The following STARD13 variants were observed in gnomAD, a reference collection of about 807,000 sequenced individuals.
STARD13 encodes the protein stAR-related lipid transfer protein 13.
A neutral mutation model predicts 106.4 loss-of-function variants in STARD13; 62 were observed. That is an observed-to-expected ratio of 0.58 (90% CI 0.48 to 0.72). The LOEUF is 0.72. Ranked by LOEUF, STARD13 falls within the 30% of genes least tolerant of loss-of-function variation. The pLI is 0.00. For synonymous variants in STARD13, 565 were observed against 553.0 expected (o/e 1.02, Z -0.31); for missense variants, 1,387 against 1,424.0 (o/e 0.97, Z 0.42).
chr13:33,181,786 A>C (rs1322078088), intron 1 of STARD13, among the ~76,000 whole-genome samples: 1 of 152,216 alleles, frequency 6.6e-6, no homozygotes, highest in African/African-American at 2.4e-5. Flanking sequence ...TTGTCCTGGC[A>C]CTGACTAGGA....
At chr13:33,360,456 G>A in the STARD13 span, among the ~76,000 whole-genome samples, 32 of 151,720 alleles carry the variant, frequency 2.1e-4, no homozygotes, top group South Asian at 4.2e-4. Flanking sequence ...CACACACCTC[G>A]GCCTCCCAAA....
At chr13:33,246,701 TAAAACA>T (rs1311662780) in intron 1 of STARD13, among the ~76,000 whole-genome samples, 1 of 151,576 alleles carries the variant, frequency 6.6e-6, no homozygotes, top group South Asian at 2.1e-4. Context: ...TTGATGACCA[TAAAACA>T]AAAACAAAAA....
chr13:33,144,719 T>G (rs1002484907), intron 3 of STARD13, among the ~76,000 whole-genome samples: 2 of 152,160 alleles, frequency 1.3e-5, no homozygotes, highest in African/African-American at 4.8e-5. Flanking sequence ...TAAGAGTGGG[T>G]GTGAAGTGAA....
intron 1 of STARD13, chr13:33,272,598 T>C (rs1184229881): frequency 6.6e-6 from 1 of 152,144 alleles, no homozygotes; most frequent in African/African-American, 2.4e-5. Context: ...GGAAATATTC[T>C]CCCGTAGTCA....
the STARD13 span, among the ~76,000 whole-genome samples, chr13:33,521,255 G>A: frequency 6.6e-6 from 1 of 152,058 alleles, no homozygotes; most frequent in African/African-American, 2.4e-5. Context: ...GGTTATGCAG[G>A]CTAGCCTGTG....
the STARD13 span, among the ~76,000 whole-genome samples, chr13:33,555,708 G>C: frequency 1.3e-5 from 2 of 152,146 alleles, no homozygotes; most frequent in Admixed American, 6.6e-5. Context: ...CTAGTTAAGT[G>C]AACCTAGAAA....
rs1873836879 is a variant in STARD13 at position 33,107,062 on chromosome 13, T to A, written c.3048-128A>T. The A allele has an allele frequency of 8.6e-6, 7 of 813,568 alleles. No individual in the cohort carries two copies. In the South Asian group the frequency reaches 1.3e-4, roughly 15 times the overall value. The allele number at this position is 813,568 out of a possible 1,614,324, so 50.4% of individuals were successfully genotyped here. ...GGCTCAGATTCCAATGCTAGTGACT[T>A]GGATTAAGCTAATGGCTTTCATAAG... On this transcript the variant is annotated intron_variant, in intron 12 of 13. Transcript: ENST00000336934.
At chr13:33,223,344 G>A (rs534506565) in intron 1 of STARD13, among the ~76,000 whole-genome samples, 1 of 152,262 alleles carries the variant, frequency 6.6e-6, no homozygotes, top group African/African-American at 2.4e-5. Context: ...ACTTCTGGTT[G>A]TATAGGCGAA....
At chr13:33,443,994 C>T in the STARD13 span, among the ~76,000 whole-genome samples, 5 of 151,136 alleles carry the variant, frequency 3.3e-5, no homozygotes, top group Non-Finnish European at 7.4e-5. Context: ...ATTATTCATA[C>T]TCACCTAATA....
chr13:33,225,664 C>T (rs1888587125), intron 1 of STARD13, among the ~76,000 whole-genome samples: 1 of 151,930 alleles, frequency 6.6e-6, no homozygotes, highest in Non-Finnish European at 1.5e-5. Flanking sequence ...AAACACCTAG[C>T]TTTCTCATTT....
At chr13:33,280,349 A>G (rs1300658837) in intron 1 of STARD13, 1 of 152,200 alleles carries the variant, frequency 6.6e-6, no homozygotes, top group Non-Finnish European at 1.5e-5. Context: ...ATCAGGTGCC[A>G]TATCTACTTA....
chr13:33,468,589 TCTCTCTCATC>T, the STARD13 span, among the ~76,000 whole-genome samples: 1 of 132,332 alleles, frequency 7.6e-6, no homozygotes, highest in Non-Finnish European at 1.6e-5. Flanking sequence ...TCCCCCACTC[TCTCTCTCATC>T]CTCTCTTTGC....
upstream of STARD13, among the ~76,000 whole-genome samples, chr13:33,354,981 A>G (rs1192401369): frequency 1.3e-5 from 2 of 151,858 alleles, no homozygotes; most frequent in Non-Finnish European, 2.9e-5. Context: ...GCATTTTTCC[A>G]ATGTATTTTC....
chr13:33,326,229 C>T (rs1422290679), intron 1 of STARD13, among the ~76,000 whole-genome samples: 3 of 152,110 alleles, frequency 2.0e-5, no homozygotes, highest in Non-Finnish European at 2.9e-5. Context: ...CCCTCTTCCC[C>T]ACCTGGCCTT....
At chr13:33,609,673 T>C in the STARD13 span, among the ~76,000 whole-genome samples, 1 of 151,944 alleles carries the variant, frequency 6.6e-6, no homozygotes, top group South Asian at 2.1e-4. Context: ...TTCACGTCAT[T>C]CTCCTGCCTC....
Position 33,126,178 on chromosome 13 carries a change from C to G in STARD13, c.1985G>C (p.Gly662Ala), listed in dbSNP as rs1944321157. The G allele has an allele frequency of 5.0e-6, 8 of 1,613,990 alleles. No homozygotes were observed. The Admixed American group carries it at 8.3e-5, about 17-fold the overall frequency. ...TTGGACGTGGACTATGAGAGGAACG[C>G]CAAAGACAGCCTTGTCTTTGTAGTC... ...VPDYKDKAVF[G>A]VPLIVHVQRT... Residue 662 changes from glycine (G) to alanine (A), a missense_variant, in exon 7 of 14, where the codon GGC (glycine) becomes GCC (alanine). Coordinates refer to ENST00000336934, the MANE Select transcript of STARD13 (RefSeq NM_178006.4).
rs114033095 is a variant in STARD13 at position 33,216,390 on chromosome 13, C to G, written c.170-48768G>C. On this transcript the variant is annotated intron_variant, in intron 1 of 13. Transcript: ENST00000336934. ...GATAGAATACTACTCATCCATAAAA[C>G]GAATGAATTAATGGCATTCACAGCA... Among the ~76,000 whole-genome samples, 974 of 152,244 alleles carry G rather than the reference C, an allele frequency of 6.4e-3. 12 individuals are homozygous for G. Among genetic ancestry groups the G allele is most frequent in the African/African-American group, 0.022 (923 of 41,546 alleles).
chr13:33,404,934 G>A, the STARD13 span, among the ~76,000 whole-genome samples: 2 of 151,964 alleles, frequency 1.3e-5, no homozygotes, highest in Non-Finnish European at 2.9e-5. Context: ...GTGCCACCAC[G>A]CAGAGCTAAT....
At chr13:33,447,117 C>G in the STARD13 span, among the ~76,000 whole-genome samples, 1 of 152,138 alleles carries the variant, frequency 6.6e-6, no homozygotes, top group Non-Finnish European at 1.5e-5. Context: ...TTTTCTGGAT[C>G]CAGTTTAGTT....
Sources: allele counts gnomAD v4.1 joint callset (sites outside exome capture counted in the v4.1 genomes callset), GRCh38; gene constraint gnomAD v4.1.1; transcripts MANE v1.5; gene names NCBI Gene and HGNC (gene_info 2026-07-23, HGNC 2026-07-21).